The following PALD1 variants were observed in gnomAD, a reference collection of about 807,000 sequenced individuals.
The protein encoded by PALD1 is paladin.
In PALD1, 57 loss-of-function variants were observed where a neutral mutation model predicts 96.0. That is an observed-to-expected ratio of 0.59 (90% CI 0.48 to 0.74). The LOEUF is 0.74. PALD1 is among the 30% of genes least tolerant of loss of function. The pLI is 0.00. For synonymous variants in PALD1, 464 were observed against 473.6 expected, an observed-to-expected ratio of 0.98 and a Z score of 0.26; for missense variants, 1,063 against 1,143.7, an observed-to-expected ratio of 0.93 and a Z score of 1.02.
chr10:70,498,560 A>G (rs1393728864), intron 1 of PALD1, among the ~76,000 whole-genome samples: 4 of 150,126 alleles, frequency 2.7e-5, no homozygotes, highest in African/African-American at 9.8e-5. Context: ...GATAACAATC[A>G]TGAGCCACTA....
chr10:70,537,918 G>A lies in PALD1; in HGVS notation c.1323+12G>A. 1 of 1,576,400 alleles carries A rather than the reference G, an allele frequency of 6.3e-7. No individual in the cohort carries two copies. The highest frequency in any genetic ancestry group is 1.3e-5 in the African/African-American group (1 of 74,312). On this transcript the variant is annotated intron_variant, in intron 11 of 19. Coordinates refer to ENST00000263563, the MANE Select transcript of PALD1 (RefSeq NM_014431.3). ...ACCTTCATGAGCAGGTGGGGCCTGG[G>A]AGGAGCAGACCCACGTCCCCTCCTC...
In PALD1 at chr10:70,546,966, A is replaced by G. The variant is rs1432715519; in HGVS notation, c.2122-340A>G. On this transcript the variant is annotated intron_variant, in intron 17 of 19. Transcript: ENST00000263563. ...ACTCTGTCTCCAAACAACAACAACA[A>G]CAACAACAATAAATGTCAATGGAAT... Among the ~76,000 whole-genome samples, 3 of 152,186 alleles carry G rather than the reference A, an allele frequency of 2.0e-5. No homozygotes were observed. The East Asian group carries it at 5.8e-4, about 29-fold the overall frequency.
chr10:70,522,881 G>C (rs902222025), intron 1 of PALD1, among the ~76,000 whole-genome samples: 1 of 152,212 alleles, frequency 6.6e-6, no homozygotes, highest in African/African-American at 2.4e-5. Flanking sequence ...TTTTACAGTG[G>C]CTGTGGACAC....
upstream of PALD1, among the ~76,000 whole-genome samples, chr10:70,478,484 T>C (rs1345340035): frequency 2.0e-5 from 3 of 152,198 alleles, no homozygotes; most frequent in East Asian, 5.8e-4. Context: ...GATGTCGGGT[T>C]TGGGTGTCTT....
rs919134656 is a variant in PALD1, at chr10:70,513,232, T to C, written c.-29-12691T>C. Among the ~76,000 whole-genome samples, 35 of 152,356 alleles carry C rather than the reference T, an allele frequency of 2.3e-4. 1 individual carries two copies. The highest frequency in any genetic ancestry group is 2.6e-4 in the Non-Finnish European group (18 of 68,034). ...AGAGTTCGCCGGGTGCGGTGGCTTA[T>C]GCCTGTAATCTCACCACTTTGGGAG... On this transcript the variant is annotated intron_variant, in intron 1 of 19. Coordinates refer to ENST00000263563, the MANE Select transcript of PALD1 (RefSeq NM_014431.3).
At chr10:70,492,555 C>G (rs542412018) in intron 1 of PALD1, among the ~76,000 whole-genome samples, 1 of 137,772 alleles carries the variant, frequency 7.3e-6, no homozygotes, top group South Asian at 2.3e-4. Flanking sequence ...CTCCTGGGTT[C>G]AGACAATTCT....
intron 2 of PALD1, among the ~76,000 whole-genome samples, chr10:70,526,909 T>C (rs1846880963): frequency 6.6e-6 from 1 of 152,124 alleles, no homozygotes; most frequent in South Asian, 2.1e-4. Context: ...ACATCAAAGT[T>C]TGGCAAAGAC....
chr10:70,489,740 T>C (rs570083443), intron 1 of PALD1, among the ~76,000 whole-genome samples: 5 of 152,272 alleles, frequency 3.3e-5, no homozygotes, highest in African/African-American at 7.2e-5. Context: ...AAAGAGCTGT[T>C]GTCTCACCAC....
chr10:70,465,920 A>G, the PALD1 span, among the ~76,000 whole-genome samples: 4 of 152,328 alleles, frequency 2.6e-5, no homozygotes, highest in Admixed American at 2.0e-4. Context: ...ACCTTGGGCC[A>G]GGTACTCCCT....
intron 18 of PALD1, among the ~76,000 whole-genome samples, chr10:70,555,073 G>A (rs1392172769): frequency 7.3e-6 from 1 of 137,314 alleles, no homozygotes; most frequent in Non-Finnish European, 1.5e-5. Flanking sequence ...CCAGGTTCAA[G>A]TGATTTTCCT....
In PALD1 at chr10:70,529,224, C is replaced by CCG; in HGVS notation, c.186-4_186-3insGC. On this transcript the variant is annotated splice_region_variant and splice_polypyrimidine_tract_variant and intron_variant, in intron 2 of 19. Coordinates refer to ENST00000263563, the MANE Select transcript of PALD1 (RefSeq NM_014431.3). Reference sequence around the variant, plus strand: ...TTCCATTCTGCCCCCCCCCCCCCCCCCCAGGTACAACTGCAAGGAGGAGTT... The same window carrying CCG: ...TTCCATTCTGCCCCCCCCCCCCCCCCCGCCAGGTACAACTGCAAGGAGGAGTT... 3 of 300,608 alleles carry CCG rather than the reference C, an allele frequency of 1.0e-5. No homozygotes were observed. Among genetic ancestry groups the CCG allele is most frequent in the Non-Finnish European group, 1.9e-5 (3 of 161,918 alleles). 18.6% of individuals were successfully genotyped at this position (300,608 alleles called of 1,614,324 possible). A position where few individuals can be genotyped will look rare whatever the true frequency, so the allele number is the denominator to read the frequency against.
the PALD1 span, among the ~76,000 whole-genome samples, chr10:70,460,144 C>A: frequency 6.6e-6 from 1 of 152,202 alleles, no homozygotes; most frequent in East Asian, 1.9e-4. Context: ...GCCGTCTGGG[C>A]CCCTGCTCAG....
At chr10:70,481,828 C>T (rs1845937165) in intron 1 of PALD1, among the ~76,000 whole-genome samples, 1 of 152,234 alleles carries the variant, frequency 6.6e-6, no homozygotes, top group African/African-American at 2.4e-5. Context: ...CTCAGGTCTC[C>T]TCTGCCCAAC....
At chr10:70,463,349 G>A in the PALD1 span, among the ~76,000 whole-genome samples, 3 of 152,040 alleles carry the variant, frequency 2.0e-5, no homozygotes, top group East Asian at 1.9e-4. Context: ...GGCGGGAACC[G>A]AGATCGTGCC....
At position 70,540,637 on chromosome 10, in the gene PALD1, G is replaced by T. The variant is rs895516934; in HGVS notation, c.1909-465G>T. 1.3e-5 allele frequency among the ~76,000 whole-genome samples: 2 copies of T among 152,122 alleles called. No individual in the cohort carries two copies. Among genetic ancestry groups the T allele is most frequent in the African/African-American group, 2.4e-5 (1 of 41,398 alleles). On this transcript the variant is annotated intron_variant, in intron 15 of 19. Coordinates refer to ENST00000263563, the MANE Select transcript of PALD1 (RefSeq NM_014431.3). The surrounding 1 kb of genome is among the most constrained non-coding windows in gnomAD (Gnocchi z 4.2). Reference sequence around the variant, plus strand: ...GCCCCTCCTGGCGCATCTCTTCGCGGCTCTCACTGCCTGCGGTCTGCTGCC... The same window carrying T: ...GCCCCTCCTGGCGCATCTCTTCGCGTCTCTCACTGCCTGCGGTCTGCTGCC...
Position 70,539,449 on chromosome 10 carries a change from C to A in PALD1, c.1726-131C>A. The A allele has an allele frequency of 9.5e-7, 1 of 1,057,188 alleles. No individual in the cohort carries two copies. Among genetic ancestry groups the A allele is most frequent in the Non-Finnish European group, 1.3e-6 (1 of 751,450 alleles). The allele number at this position is 1,057,188 out of a possible 1,614,324, so 65.5% of individuals were successfully genotyped here. A position where few individuals can be genotyped will look rare whatever the true frequency, so the allele number is the denominator to read the frequency against. On this transcript the variant is annotated intron_variant, in intron 14 of 19. Transcript: ENST00000263563. The surrounding 1 kb of genome is among the most constrained non-coding windows in gnomAD (Gnocchi z 4.5). ...TTGGCTTTGGGGGGTGGCTGTGACC[C>A]CTGAGGCTTGGGGGGGTCAGGGATG...
chr10:70,523,621 G>A (rs1564695991), intron 1 of PALD1, among the ~76,000 whole-genome samples: 2 of 152,260 alleles, frequency 1.3e-5, no homozygotes, highest in South Asian at 2.1e-4. Flanking sequence ...CTCCACCCTT[G>A]CCAAAAAGAG....
Position 70,529,278 on chromosome 10 carries a change from C to G in PALD1, c.235C>G (p.His79Asp), listed in dbSNP as rs755148528. The change falls in exon 3 of 20, where the codon CAT becomes GAT. Residue 79 changes from histidine (H) to aspartate (D), a missense_variant. Physicochemically the swap from His to Asp is moderately conservative, Grantham distance 81. Coordinates refer to ENST00000263563, the MANE Select transcript of PALD1 (RefSeq NM_014431.3). ...FQIHDELLKA[H>D]YTLGRLSDNT... is the part of the protein sequence containing the mutation. ...GATCCATGATGAGCTGCTCAAGGCT[C>G]ATTACACGTTGGGCCGGCTCTCGGA... 11 of 1,485,076 alleles carry G rather than the reference C, an allele frequency of 7.4e-6. No homozygotes were observed. Among genetic ancestry groups the G allele is most frequent in the Non-Finnish European group, 1.0e-5 (11 of 1,098,544 alleles). The allele number at this position is 1,485,076 out of a possible 1,614,324, so 92.0% of individuals were successfully genotyped here.
At chr10:70,545,500 C>T (rs1176318371) in intron 17 of PALD1, among the ~76,000 whole-genome samples, 1 of 151,918 alleles carries the variant, frequency 6.6e-6, no homozygotes, top group Non-Finnish European at 1.5e-5. Context: ...GAACTCAGCA[C>T]AGGGTGGCTG....
Sources: gnomAD v4.1 joint callset for allele counts (sites outside exome capture counted in the v4.1 genomes callset) on GRCh38, gnomAD v4.1.1 for gene constraint, Gnocchi (gnomAD v3.1) non-coding constraint, MANE v1.5 for transcripts, NCBI Gene and HGNC (gene_info 2026-07-23, HGNC 2026-07-21) for gene names.